Variants in PREX2 observed in about 807,000 individuals in gnomAD.
The protein encoded by PREX2 is phosphatidylinositol 3,4,5-trisphosphate-dependent Rac exchanger 2 protein.
A neutral mutation model predicts 203.2 loss-of-function variants in PREX2; 107 were observed. That is an observed-to-expected ratio of 0.53 (90% confidence interval 0.45 to 0.62). The LOEUF is 0.62. Among genes scored for constraint, PREX2 ranks in the 20% least tolerant of loss-of-function variants. The pLI, the probability that PREX2 is intolerant of heterozygous loss-of-function variation, is 0.00. For missense variants in PREX2, 1,777 were observed against 1,955.9 expected (o/e 0.91, Z 1.72); for synonymous variants, 672 against 663.6 (o/e 1.01, Z -0.19).
chr8:68,076,365 G>A (rs1809348080), intron 14 of PREX2, among the ~76,000 whole-genome samples: 2 of 152,124 alleles, frequency 1.3e-5, no homozygotes, highest in African/African-American at 4.8e-5. Context: ...GCTGAGGTGG[G>A]AGAATCGCTT....
At chr8:68,192,242 A>G in intron 36 of PREX2, 93 bp from the exon 37 acceptor site, 1 of 936,404 alleles carries the variant, frequency 1.1e-6, no homozygotes, top group South Asian at 1.9e-5. Flanking sequence ...AATGAAATAA[A>G]ATTTTAGACT....
chr8:68,076,353 AG>A (rs994010261), intron 14 of PREX2, among the ~76,000 whole-genome samples: 2 of 152,068 alleles, frequency 1.3e-5, no homozygotes, highest in Non-Finnish European at 2.9e-5. Flanking sequence ...GCTACTCGGG[AG>A]GCTGAGGTGG....
intron 35 of PREX2, among the ~76,000 whole-genome samples, chr8:68,162,855 A>C (rs999101485): frequency 2.6e-5 from 4 of 152,212 alleles, no homozygotes; most frequent in Non-Finnish European, 5.9e-5. Flanking sequence ...AAATCCAAAG[A>C]CATAAGCTCA....
intron 1 of PREX2, among the ~76,000 whole-genome samples, chr8:68,004,341 CTATT>C (rs1485009815): frequency 1.3e-5 from 2 of 152,180 alleles, no homozygotes; most frequent in Non-Finnish European, 2.9e-5. Flanking sequence ...TTTGCTATGA[CTATT>C]TATGATAGAA....
chr8:68,040,378 G>A (rs185665828), intron 7 of PREX2, among the ~76,000 whole-genome samples: 133 of 151,910 alleles, frequency 8.8e-4, no homozygotes, highest in African/African-American at 3.1e-3. Context: ...ATTCTGCCTG[G>A]TCCAGCTCCT....
At chr8:67,974,403 G>A (rs1806011412) in intron 1 of PREX2, among the ~76,000 whole-genome samples, 1 of 130,290 alleles carries the variant, frequency 7.7e-6, no homozygotes, top group African/African-American at 2.8e-5. Context: ...GATTTTAAAA[G>A]TGAAAATTGA....
At chr8:68,017,714 C>G in intron 1 of PREX2, 132 bp from the exon 2 acceptor site, 1 of 688,426 alleles carries the variant, frequency 1.5e-6, no homozygotes, top group Non-Finnish European at 2.5e-6. Context: ...TGTGTTACAA[C>G]AAAACTATTA....
intron 37 of PREX2, among the ~76,000 whole-genome samples, chr8:68,216,919 G>A (rs921546726): frequency 1.3e-5 from 2 of 148,466 alleles, no homozygotes; most frequent in Non-Finnish European, 3.0e-5. Flanking sequence ...CTGAGGATGC[G>A]CCACTGCACT....
At chr8:68,204,183 T>C (rs1469057265) in intron 37 of PREX2, among the ~76,000 whole-genome samples, 1 of 151,102 alleles carries the variant, frequency 6.6e-6, no homozygotes, top group Non-Finnish European at 1.5e-5. Flanking sequence ...TATACATTCC[T>C]GGCATGGCAA....
chr8:68,128,344 T>C (rs1363579892), intron 31 of PREX2, among the ~76,000 whole-genome samples: 1 of 152,202 alleles, frequency 6.6e-6, no homozygotes, highest in Non-Finnish European at 1.5e-5. Context: ...TGATTACTTG[T>C]GATAGCAGTT....
chr8:67,961,038 A>G (rs1246750003), intron 1 of PREX2, among the ~76,000 whole-genome samples: 4 of 151,208 alleles, frequency 2.6e-5, no homozygotes, highest in Non-Finnish European at 5.9e-5. Context: ...TAAAACTTCT[A>G]TTTTACATTT....
chr8:68,114,126 C>T (rs987864944), intron 25 of PREX2, among the ~76,000 whole-genome samples: 5 of 152,014 alleles, frequency 3.3e-5, no homozygotes, highest in East Asian at 3.9e-4. Context: ...CCTCCCAAAG[C>T]GCTGGGATTA....
Position 68,083,338 on chromosome 8 carries a change from T to C in PREX2, c.1977T>C (p.Cys659=). The C allele has an allele frequency of 2.5e-6, 4 of 1,612,084 alleles. No homozygotes were observed. The highest frequency in any genetic ancestry group is 2.2e-5 in the South Asian group (2 of 90,816). Residue 659 remains cysteine (C), a synonymous_variant, in exon 18 of 40, where the codon TGT becomes TGC. Transcript: ENST00000288368. ...AAGTGGATTGCTTCCTGAAATCGTG[T>C]TTAAACAGCAGAAAACCTCTAAGAG... ...FNEVDCFLKS[C]LNSRKPLRVL...
chr8:68,042,058 C>T (rs1808216669), intron 7 of PREX2, among the ~76,000 whole-genome samples: 1 of 152,048 alleles, frequency 6.6e-6, no homozygotes, highest in Non-Finnish European at 1.5e-5. Flanking sequence ...ACTGGAGAAG[C>T]TGCTTCTCCA....
chr8:68,051,175 T>C (rs758976673), intron 8 of PREX2, among the ~76,000 whole-genome samples: 11 of 152,094 alleles, frequency 7.2e-5, no homozygotes, highest in Non-Finnish European at 1.2e-4. Flanking sequence ...GGTACACTTA[T>C]GCGGTGGCAG....
At position 68,120,268 on chromosome 8, in the gene PREX2, C is replaced by T; in HGVS notation, c.3577C>T (p.Pro1193Ser). The T allele has an allele frequency of 1.2e-6, 2 of 1,613,344 alleles. No individual in the cohort carries two copies. The highest frequency in any genetic ancestry group is 1.7e-6 in the Non-Finnish European group (2 of 1,179,414). The stretch of plus-strand genomic sequence containing the variant: ...CTTTGACCAAACCAAGTATCTCACT[C>T]CAGGCCGAGGATTGCAAGGTAAGCC... ...RAFDQTKYLT[P>S]GRGLQEFQQE... Residue 1193 changes from proline to serine, a missense_variant, in exon 29 of 40, where the codon CCA becomes TCA. Physicochemically the swap from Pro to Ser is moderately conservative, Grantham distance 74. Coordinates refer to ENST00000288368, the MANE Select transcript of PREX2 (RefSeq NM_024870.4).
intron 11 of PREX2, among the ~76,000 whole-genome samples, chr8:68,061,556 A>T (rs1215112576): frequency 6.6e-6 from 1 of 152,120 alleles, no homozygotes; most frequent in South Asian, 2.1e-4. Context: ...GAAAAAACCC[A>T]TGGGGAGATG....
intron 1 of PREX2, among the ~76,000 whole-genome samples, chr8:67,955,149 A>G (rs1805465386): frequency 1.2e-5 from 1 of 80,756 alleles, no homozygotes; most frequent in South Asian, 5.8e-4. Flanking sequence ...CTCCATCTCA[A>G]AAAAAAAAAA....
chr8:68,108,074 G>A (rs1216852859), intron 23 of PREX2, 35 bp from the exon 24 acceptor site: 3 of 1,473,490 alleles, frequency 2.0e-6, no homozygotes, highest in East Asian at 4.6e-5. Context: ...ATTACTGTGT[G>A]TTCAACTGCT....
Sources: allele counts gnomAD v4.1 joint callset (sites outside exome capture counted in the v4.1 genomes callset), GRCh38; gene constraint gnomAD v4.1.1; transcripts MANE v1.5; gene names NCBI Gene and HGNC (gene_info 2026-07-23, HGNC 2026-07-21).